MAP7D2: variants seen among roughly 807,000 people sequenced by gnomAD.
MAP7D2 encodes MAP7 domain-containing protein 2.
MAP7D2 carries 33 observed loss-of-function variants against 63.5 expected under a neutral mutation model. That is an observed-to-expected ratio of 0.52 (90% CI 0.39 to 0.70). The LOEUF is 0.70. Among genes scored for constraint, MAP7D2 ranks in the 30% least tolerant of loss-of-function variants. The pLI is 0.00. For synonymous variants in MAP7D2, 224 were observed against 223.7 expected (o/e 1.00, Z -0.01); for missense variants, 626 against 604.0 (o/e 1.04, Z -0.38).
At chrX:20,098,558 G>C (rs374870678) in intron 1 of MAP7D2, among the ~76,000 whole-genome samples, 2 of 99,932 alleles carry the variant, frequency 2.0e-5, no homozygotes, top group African/African-American at 4.5e-5. Flanking sequence ...TCTACACGGT[G>C]GGGGGGGGAG....
chrX:20,076,711 A>G (rs928248696), intron 1 of MAP7D2, among the ~76,000 whole-genome samples: 13 of 111,167 alleles, frequency 1.2e-4, no homozygotes, highest in Non-Finnish European at 1.9e-5. Context: ...CAAAAAAAAA[A>G]AAAAATTGTA....
At chrX:20,087,714 T>A (rs979657426) in intron 1 of MAP7D2, among the ~76,000 whole-genome samples, 1 of 111,156 alleles carries the variant, frequency 9.0e-6, no homozygotes, top group African/African-American at 3.3e-5. Context: ...CATGTGACTA[T>A]TACTTAGTAA....
At chrX:20,044,069 C>T (rs533675557) in intron 7 of MAP7D2, among the ~76,000 whole-genome samples, 7 of 112,231 alleles carry the variant, frequency 6.2e-5, no homozygotes, top group Admixed American at 5.7e-4. Context: ...ATATCCGTAA[C>T]GAGGAAGACA....
At chrX:20,116,096 G>C (rs2066884688) in intron 1 of MAP7D2, among the ~76,000 whole-genome samples, 1 of 112,959 alleles carries the variant, frequency 8.9e-6, no homozygotes, top group Admixed American at 9.2e-5. Context: ...CGGCAGCCTC[G>C]AGGGCTGAGA....
At chrX:20,089,903 G>C (rs892005380) in intron 1 of MAP7D2, among the ~76,000 whole-genome samples, 3 of 110,070 alleles carry the variant, frequency 2.7e-5, no homozygotes, top group African/African-American at 9.9e-5. Flanking sequence ...CTTACATACT[G>C]TAAAGTTCAC....
chrX:20,026,078 A>T lies in MAP7D2; in HGVS notation c.1008-126T>A, dbSNP rs1310818996. ...TTCCAGAGGAAGGAAAATAGGGCTT[A>T]GCACACACTCAAAAGTCACTAAAGT... On this transcript the variant is annotated intron_variant, in intron 8 of 16. Transcript: ENST00000379643. 6.6e-6 allele frequency: 5 copies of T among 755,169 alleles called. No homozygotes were observed. In the African/African-American group the frequency reaches 1.1e-4, roughly 16 times the overall value. The allele number at this position is 755,169 out of a possible 1,213,427, so 62.2% of individuals were successfully genotyped here. A position where few individuals can be genotyped will look rare whatever the true frequency, so the allele number is the denominator to read the frequency against.
At chrX:20,061,289 C>T (rs2065219755) in intron 3 of MAP7D2, among the ~76,000 whole-genome samples, 1 of 110,576 alleles carries the variant, frequency 9.0e-6, no homozygotes, top group South Asian at 3.9e-4. Context: ...CAGGCTGATC[C>T]CTTCTCCCTA....
At chrX:20,078,979 TCAAACA>T (rs2065712497) in intron 1 of MAP7D2, among the ~76,000 whole-genome samples, 2 of 110,034 alleles carry the variant, frequency 1.8e-5, no homozygotes, top group African/African-American at 6.6e-5. Flanking sequence ...CCAAAACTCA[TCAAACA>T]GTAGACTTAA....
intron 13 of MAP7D2, 37 bp from the exon 14 acceptor site, chrX:20,013,169 G>T (rs751181483): frequency 9.5e-7 from 1 of 1,049,087 alleles, no homozygotes; most frequent in Non-Finnish European, 1.3e-6. Context: ...ATGAGGGAAG[G>T]CTGACATCAC....
chrX:20,054,080 G>T (rs969547750), intron 4 of MAP7D2, among the ~76,000 whole-genome samples: 5 of 112,217 alleles, frequency 4.5e-5, no homozygotes, highest in African/African-American at 1.6e-4. Context: ...TTGACCTCGT[G>T]ATCTGCCTCA....
intron 1 of MAP7D2, among the ~76,000 whole-genome samples, chrX:20,065,639 T>C (rs2065338569): frequency 9.0e-6 from 1 of 111,537 alleles, no homozygotes; most frequent in African/African-American, 3.3e-5. Flanking sequence ...AGTTCAATTT[T>C]GGTTCTGCCA....
At chrX:20,015,068 A>T (rs1162729782) in intron 12 of MAP7D2, among the ~76,000 whole-genome samples, 155 bp downstream of exon 12, 1 of 111,817 alleles carries the variant, frequency 8.9e-6, no homozygotes, top group Non-Finnish European at 1.9e-5. Context: ...ACGAGATGGC[A>T]AAAAACTAAT....
At chrX:20,091,632 T>C (rs1251098579) in intron 1 of MAP7D2, among the ~76,000 whole-genome samples, 1 of 111,253 alleles carries the variant, frequency 9.0e-6, no homozygotes, top group African/African-American at 3.3e-5. Flanking sequence ...TACTCCAGAA[T>C]ACAAAAAAAG....
chrX:20,049,395 C>T (rs2064886219), intron 6 of MAP7D2, among the ~76,000 whole-genome samples: 1 of 108,248 alleles, frequency 9.2e-6, no homozygotes, highest in Non-Finnish European at 1.9e-5. Context: ...TCTTAGCCTC[C>T]CGAGTAGCTG....
chrX:20,060,438 GAAAGAAAGAA>G (rs750092089), intron 3 of MAP7D2, among the ~76,000 whole-genome samples: 2,630 of 40,510 alleles, frequency 0.065, 41 homozygotes, highest in South Asian at 0.18. Flanking sequence ...GAGAGAGAAA[GAAAGAAAGAA>G]AGAAAGAAAG....
At chrX:20,016,430 A>G in intron 10 of MAP7D2, 105 bp from the exon 11 acceptor site, 2 of 644,732 alleles carry the variant, frequency 3.1e-6, no homozygotes, top group Admixed American at 5.7e-5. Context: ...GGTAACACAC[A>G]CACATACCTT....
At chrX:20,106,897 G>A (rs2066582491) in intron 1 of MAP7D2, among the ~76,000 whole-genome samples, 1 of 109,549 alleles carries the variant, frequency 9.1e-6, no homozygotes, top group East Asian at 2.9e-4. Context: ...TGGGAGGATC[G>A]CTTGAGCCTG....
intron 6 of MAP7D2, among the ~76,000 whole-genome samples, chrX:20,048,839 G>A (rs2064867342): frequency 9.1e-6 from 1 of 110,051 alleles, no homozygotes; most frequent in African/African-American, 3.3e-5. Context: ...TGAGGTGAGA[G>A]GAGGGCTTGG....
rs1355398823 is a variant in MAP7D2, at chrX:20,007,138, C to G, written c.*1287G>C. The G allele has an allele frequency of 1.8e-5, 2 of 111,958 alleles. No homozygotes were observed. Among genetic ancestry groups the G allele is most frequent in the Non-Finnish European group, 1.9e-5 (1 of 53,241 alleles). The allele number at this position is 111,958 out of a possible 1,213,427, so 9.2% of individuals were successfully genotyped here. ...AGGCATGTACTTTATTGAGTAGAGACACATACACAGACATATAATTTCTGT... is the reference window on the plus strand; with the variant it reads ...AGGCATGTACTTTATTGAGTAGAGAGACATACACAGACATATAATTTCTGT... On this transcript the variant is annotated 3_prime_UTR_variant, in exon 17 of 17. Transcript: ENST00000379643.
Sources: gnomAD v4.1 joint callset for allele counts (sites outside exome capture counted in the v4.1 genomes callset) on GRCh38, gnomAD v4.1.1 for gene constraint, MANE v1.5 for transcripts, NCBI Gene and HGNC (gene_info 2026-07-23, HGNC 2026-07-21) for gene names.